UBE2W: variants seen among roughly 807,000 people sequenced by gnomAD.
The protein encoded by UBE2W is ubiquitin-conjugating enzyme E2 W.
Under a neutral mutation model 27.2 loss-of-function variants are expected in UBE2W, and 18 were observed. The ratio of observed to expected loss-of-function variants is 0.66; its 90% CI spans 0.46 to 0.98. The LOEUF (loss-of-function observed/expected upper bound fraction) is 0.98, where lower values mean the gene tolerates loss of function less well. UBE2W is among the 50% of genes least tolerant of loss of function. The probability of loss-of-function intolerance (pLI) is 0.00; values close to 1 mark genes in which losing one functional copy is unlikely to be tolerated. For missense variants in UBE2W, 90 were observed against 180.2 expected (o/e 0.50, Z 2.87); for synonymous variants, 53 against 57.2 (o/e 0.93, Z 0.33).
intron 5 of UBE2W, among the ~76,000 whole-genome samples, chr8:73,801,060 A>G (rs1239669791): frequency 6.6e-6 from 1 of 152,230 alleles, no homozygotes; most frequent in African/African-American, 2.4e-5. Context: ...ACTGCACTCC[A>G]GCCTGGGCAA....
rs1563578043 is a variant in UBE2W, at chr8:73,805,474, A to AAAAAAAAAAAC, written c.442+176_442+177insGTTTTTTTTTT. On this transcript the variant is annotated intron_variant, in intron 5 of 5. Transcript: ENST00000602593. The stretch of plus-strand genomic sequence containing the variant: ...CATCTCAAAAAAAAAAAAAAAAACA[A>AAAAAAAAAAAC]AAAAAACTAGGGTAATTCATCCATT... Among the ~76,000 whole-genome samples the AAAAAAAAAAAC allele has an allele frequency of 2.8e-5, 4 of 144,334 alleles. 1 individual carries two copies. Among genetic ancestry groups the AAAAAAAAAAAC allele is most frequent in the African/African-American group, 1.0e-4 (4 of 39,808 alleles). The allele number at this position is 144,334 out of a possible 152,430, so 94.7% of individuals were successfully genotyped here.
At chr8:73,862,368 T>C (rs972064235) in intron 1 of UBE2W, among the ~76,000 whole-genome samples, 4 of 152,214 alleles carry the variant, frequency 2.6e-5, no homozygotes, top group African/African-American at 9.6e-5. Flanking sequence ...TTCAGCTTTC[T>C]ACATATGGCT....
At chr8:73,844,781 A>G (rs1810703040) in intron 1 of UBE2W, among the ~76,000 whole-genome samples, 1 of 146,374 alleles carries the variant, frequency 6.8e-6, no homozygotes, top group Non-Finnish European at 1.5e-5. Flanking sequence ...ATGTGAAGAG[A>G]GCCTCTGCCT....
chr8:73,841,958 C>CAT (rs1810552213), intron 1 of UBE2W, among the ~76,000 whole-genome samples: 1 of 152,150 alleles, frequency 6.6e-6, no homozygotes, highest in African/African-American at 2.4e-5. Context: ...CACATGGATT[C>CAT]ATAGCCTGAA....
chr8:73,839,213 T>C (rs1810428439), intron 1 of UBE2W, among the ~76,000 whole-genome samples: 1 of 152,080 alleles, frequency 6.6e-6, no homozygotes, highest in African/African-American at 2.4e-5. Context: ...GATAGGTACA[T>C]CAGTACTGAA....
At chr8:73,823,606 G>A (rs1035890289) in intron 3 of UBE2W, among the ~76,000 whole-genome samples, 2 of 152,188 alleles carry the variant, frequency 1.3e-5, no homozygotes, top group African/African-American at 4.8e-5. Context: ...CAACAAAAGT[G>A]ATGACAATCT....
At position 73,787,144 on chromosome 8, in the gene UBE2W, A is replaced by G; in HGVS notation, c.*6958T>C. On this transcript the variant is annotated 3_prime_UTR_variant, in exon 6 of 6. Transcript: ENST00000602593. ...TTTTGCATTATGCAGGCAAACATTAAAAATAAATCTTACAGGCAACTAAAA... is the reference window on the plus strand; with the variant it reads ...TTTTGCATTATGCAGGCAAACATTAGAAATAAATCTTACAGGCAACTAAAA... 1 of 985,476 alleles carries G rather than the reference A, an allele frequency of 1.0e-6. No individual in the cohort carries two copies. The highest frequency in any genetic ancestry group is 1.2e-6 in the Non-Finnish European group (1 of 829,936). The allele number at this position is 985,476 out of a possible 1,614,324, so 61.0% of individuals were successfully genotyped here. A position where few individuals can be genotyped will look rare whatever the true frequency, so the allele number is the denominator to read the frequency against.
chr8:73,781,619 G>GT (rs112691687), downstream of UBE2W, among the ~76,000 whole-genome samples: 91,464 of 140,462 alleles, frequency 0.65, 31,898 homozygotes, highest in East Asian at 0.83. Context: ...TCAGGTTTGG[G>GT]TTTTTTTTTT....
Position 73,787,212 on chromosome 8 carries a change from G to C in UBE2W, c.*6890C>G. ...TCCCAACAGGACAGATAACCACAGT[G>C]GCTTTGAGCTTTGTTGTCCAAGTAC... On this transcript the variant is annotated 3_prime_UTR_variant, in exon 6 of 6. Transcript: ENST00000602593. 1 of 985,418 alleles carries C rather than the reference G, an allele frequency of 1.0e-6. No homozygotes were observed. Among genetic ancestry groups the C allele is most frequent in the Non-Finnish European group, 1.2e-6 (1 of 829,934 alleles). The allele number at this position is 985,418 out of a possible 1,614,324, so 61.0% of individuals were successfully genotyped here.
intron 1 of UBE2W, 148 bp downstream of exon 1, chr8:73,878,660 C>A: frequency 1.5e-6 from 1 of 683,674 alleles, no homozygotes; most frequent in South Asian, 1.7e-5. Context: ...ACCCCTCCCC[C>A]GACGCCCTGA....
intron 3 of UBE2W, among the ~76,000 whole-genome samples, chr8:73,821,775 C>T (rs995067661): frequency 1.1e-4 from 16 of 152,006 alleles, no homozygotes; most frequent in African/African-American, 3.9e-4. Context: ...AGGAGGTGGG[C>T]TGATCGCTTG....
Position 73,828,679 on chromosome 8 carries a change from C to T in UBE2W, c.107+1702G>A, listed in dbSNP as rs79392797. 1.6e-4 allele frequency among the ~76,000 whole-genome samples: 24 copies of T among 152,174 alleles called. 1 individual carries two copies. The highest frequency in any genetic ancestry group is 5.5e-4 in the African/African-American group (23 of 41,524). On this transcript the variant is annotated intron_variant, in intron 2 of 5. Transcript: ENST00000602593. ...AGTAGGTGTATATATCTTTGGGGCACATGAGATATTTTGATACAAGCACAC... is the reference window on the plus strand; with the variant it reads ...AGTAGGTGTATATATCTTTGGGGCATATGAGATATTTTGATACAAGCACAC...
rs1245472137 is a variant in UBE2W, at chr8:73,790,194, G to C, written c.*3908C>G. 1 of 982,676 alleles carries C rather than the reference G, an allele frequency of 1.0e-6. No individual in the cohort carries two copies. Among genetic ancestry groups the C allele is most frequent in the African/African-American group, 1.8e-5 (1 of 57,020 alleles). 60.9% of individuals were successfully genotyped at this position (982,676 alleles called of 1,614,324 possible). On this transcript the variant is annotated 3_prime_UTR_variant, in exon 6 of 6. Transcript: ENST00000602593. ...AATCCCTAACCTCAGAAAAAAAAAAGAGAGAATAAATTAGAAGTGAGAAAA... is the reference window on the plus strand; with the variant it reads ...AATCCCTAACCTCAGAAAAAAAAAACAGAGAATAAATTAGAAGTGAGAAAA...
At position 73,786,379 on chromosome 8, in the gene UBE2W, A is replaced by C; in HGVS notation, c.*7723T>G. On this transcript the variant is annotated 3_prime_UTR_variant, in exon 6 of 6. Coordinates refer to ENST00000602593, the MANE Select transcript of UBE2W (RefSeq NM_018299.6). ...TTTGAGAAAGCTAGGATAAAAATAC[A>C]AGCATAACCAAGTTAATTCAATACA... 2 of 985,468 alleles carry C rather than the reference A, an allele frequency of 2.0e-6. No homozygotes were observed. Among genetic ancestry groups the C allele is most frequent in the Non-Finnish European group, 2.4e-6 (2 of 829,936 alleles). 61.0% of individuals were successfully genotyped at this position (985,468 alleles called of 1,614,324 possible).
At chr8:73,784,882 T>C (rs1270614244), downstream of UBE2W, among the ~76,000 whole-genome samples, 2 of 152,176 alleles carry the variant, frequency 1.3e-5, no homozygotes, top group Non-Finnish European at 2.9e-5. Flanking sequence ...TTCTTCCCAA[T>C]TGATAAATTT....
At chr8:73,785,617 G>A (rs984010278), downstream of UBE2W, among the ~76,000 whole-genome samples, 3 of 151,702 alleles carry the variant, frequency 2.0e-5, no homozygotes, top group Admixed American at 6.6e-5. Flanking sequence ...TTTTAGAGAC[G>A]GAATCTCGCT....
In UBE2W at chr8:73,826,860, A is replaced by G. The variant is rs185851519; in HGVS notation, c.108-1611T>C. On this transcript the variant is annotated intron_variant, in intron 2 of 5. Transcript: ENST00000602593. Reference sequence around the variant, plus strand: ...CCTACATACGTAAAAAACCTAGCACATTCCTGACTCAGTCAATACATGGTA... The same window carrying G: ...CCTACATACGTAAAAAACCTAGCACGTTCCTGACTCAGTCAATACATGGTA... Among the ~76,000 whole-genome samples the G allele has an allele frequency of 2.3e-3, 344 of 152,354 alleles. 1 individual carries two copies. Among genetic ancestry groups the G allele is most frequent in the Non-Finnish European group, 3.2e-3 (221 of 68,030 alleles).
downstream of UBE2W, among the ~76,000 whole-genome samples, chr8:73,781,938 T>C (rs1413780969): frequency 4.8e-4 from 3 of 6,232 alleles, no homozygotes; most frequent in Non-Finnish European, 7.6e-4. Context: ...CCTTTTTTTT[T>C]TTTTTTTTTT....
chr8:73,854,487 G>A (rs547903134), intron 1 of UBE2W, among the ~76,000 whole-genome samples: 1 of 152,236 alleles, frequency 6.6e-6, no homozygotes, highest in South Asian at 2.1e-4. Context: ...GAGCATTACT[G>A]TTAGAACATT....
Sources: allele counts gnomAD v4.1 joint callset (sites outside exome capture counted in the v4.1 genomes callset), GRCh38; gene constraint gnomAD v4.1.1; transcripts MANE v1.5; gene names NCBI Gene and HGNC (gene_info 2026-07-23, HGNC 2026-07-21).